Variants in SLC24A2 observed in about 807,000 individuals in gnomAD.
SLC24A2 encodes sodium/potassium/calcium exchanger 2.
In SLC24A2, 36 loss-of-function variants were observed where a neutral mutation model predicts 62.0. That is an observed-to-expected ratio of 0.58 (90% CI 0.44 to 0.77). The LOEUF (loss-of-function observed/expected upper bound fraction) is 0.77. Among genes scored for constraint, SLC24A2 ranks in the 30% least tolerant of loss-of-function variants. The pLI, the probability that SLC24A2 is intolerant of heterozygous loss-of-function variation, is 0.00. For synonymous variants in SLC24A2, 358 were observed against 294.0 expected (o/e 1.22, Z -2.23); for missense variants, 846 against 817.9 (o/e 1.03, Z -0.42).
chr9:20,225,084 T>C, the SLC24A2 span, among the ~76,000 whole-genome samples: 1 of 152,272 alleles, frequency 6.6e-6, no homozygotes, highest in East Asian at 1.9e-4. Context: ...TGCTCCTCTT[T>C]CTTCCTTACA....
chr9:19,742,285 G>C (rs1388992582), intron 2 of SLC24A2, among the ~76,000 whole-genome samples: 6 of 152,180 alleles, frequency 3.9e-5, no homozygotes, highest in African/African-American at 1.4e-4. Flanking sequence ...ATGTGCTGTG[G>C]AAAGATGGAC....
rs1832723735 is a variant in SLC24A2, at chr9:19,511,716, C to T, written c.*4437G>A. 6.6e-6 allele frequency: 1 copy of T among 152,182 alleles called. No homozygotes were observed. Among genetic ancestry groups the T allele is most frequent in the South Asian group, 2.1e-4 (1 of 4,834 alleles). The allele number at this position is 152,182 out of a possible 1,614,324, so 9.4% of individuals were successfully genotyped here. A position where few individuals can be genotyped will look rare whatever the true frequency, so the allele number is the denominator to read the frequency against. ...GAGCACTGACTTCTATGCATGCTTTCAGGAGACAGTAGTTTTCTCCAGAAA... is the reference window on the plus strand; with the variant it reads ...GAGCACTGACTTCTATGCATGCTTTTAGGAGACAGTAGTTTTCTCCAGAAA... On this transcript the variant is annotated 3_prime_UTR_variant, in exon 11 of 11. Coordinates refer to ENST00000341998, the MANE Select transcript of SLC24A2 (RefSeq NM_020344.4).
chr9:20,054,133 CT>C, the SLC24A2 span, among the ~76,000 whole-genome samples: 1 of 151,988 alleles, frequency 6.6e-6, no homozygotes, highest in Admixed American at 6.6e-5. Context: ...TGGAAAAGTT[CT>C]TTAATGGTGA....
the SLC24A2 span, among the ~76,000 whole-genome samples, chr9:19,973,319 T>C: frequency 6.6e-6 from 1 of 152,236 alleles, no homozygotes; most frequent in Non-Finnish European, 1.5e-5. Context: ...CTCTTGCTCC[T>C]TCTGCAACTC....
the SLC24A2 span, among the ~76,000 whole-genome samples, chr9:20,020,697 G>A: frequency 2.0e-5 from 3 of 152,210 alleles, no homozygotes; most frequent in South Asian, 6.2e-4. Context: ...TTCTGCACAC[G>A]TATCCCAGAA....
the SLC24A2 span, among the ~76,000 whole-genome samples, chr9:20,213,918 G>T: frequency 6.6e-6 from 1 of 152,150 alleles, no homozygotes; most frequent in Admixed American, 6.5e-5. Context: ...ATTTCACCCT[G>T]TGTTTCCCTT....
the SLC24A2 span, among the ~76,000 whole-genome samples, chr9:19,845,361 A>G: frequency 6.6e-6 from 1 of 152,154 alleles, no homozygotes; most frequent in Non-Finnish European, 1.5e-5. Context: ...TTGTACATTA[A>G]TTTTGTATCC....
chr9:20,107,052 A>G, the SLC24A2 span, among the ~76,000 whole-genome samples: 1 of 152,256 alleles, frequency 6.6e-6, no homozygotes, highest in Non-Finnish European at 1.5e-5. Flanking sequence ...TTATACACCA[A>G]TAACAGACAA....
chr9:20,021,036 C>A, the SLC24A2 span, among the ~76,000 whole-genome samples: 2 of 152,218 alleles, frequency 1.3e-5, no homozygotes, highest in South Asian at 4.1e-4. Context: ...ATACTGTATA[C>A]ATAGACATAA....
chr9:20,280,834 G>C, the SLC24A2 span, among the ~76,000 whole-genome samples: 1 of 152,192 alleles, frequency 6.6e-6, no homozygotes, highest in Non-Finnish European at 1.5e-5. Context: ...CACAGACACA[G>C]AGGTGACAGC....
chr9:20,287,962 G>C, the SLC24A2 span, among the ~76,000 whole-genome samples: 2 of 152,100 alleles, frequency 1.3e-5, no homozygotes, highest in African/African-American at 4.8e-5. Context: ...TACACATATT[G>C]ATTGCAAGGT....
the SLC24A2 span, among the ~76,000 whole-genome samples, chr9:20,035,496 A>G: frequency 2.0e-5 from 3 of 152,170 alleles, no homozygotes; most frequent in African/African-American, 7.2e-5. Context: ...GCTCACACCT[A>G]TAATCCCAGC....
At chr9:20,176,191 T>G in the SLC24A2 span, among the ~76,000 whole-genome samples, 1 of 152,038 alleles carries the variant, frequency 6.6e-6, no homozygotes, top group African/African-American at 2.4e-5. Flanking sequence ...CTCAGATTTG[T>G]TAGGTGATCT....
chr9:19,639,264 C>T (rs748292296), intron 2 of SLC24A2, among the ~76,000 whole-genome samples: 11 of 152,206 alleles, frequency 7.2e-5, no homozygotes, highest in Non-Finnish European at 1.3e-4. Flanking sequence ...AAAATGGCTG[C>T]AATTCTTCTC....
chr9:19,651,568 ATTTC>A (rs3086304), intron 2 of SLC24A2, among the ~76,000 whole-genome samples: 65,628 of 151,690 alleles, frequency 0.43, 14,792 homozygotes, highest in East Asian at 0.71. Flanking sequence ...ACCATCATCA[ATTTC>A]TTTCTCTCTT....
intron 7 of SLC24A2, among the ~76,000 whole-genome samples, chr9:19,558,522 A>C (rs746937970): frequency 6.6e-6 from 1 of 152,194 alleles, no homozygotes; most frequent in African/African-American, 2.4e-5. Context: ...CCTGATTCCC[A>C]TAACTGTGGA....
At chr9:20,122,925 AT>A in the SLC24A2 span, among the ~76,000 whole-genome samples, 1 of 152,216 alleles carries the variant, frequency 6.6e-6, no homozygotes, top group Non-Finnish European at 1.5e-5. Context: ...GAGCCAGTCA[AT>A]AAATGTCATT....
intron 2 of SLC24A2, among the ~76,000 whole-genome samples, chr9:19,755,948 C>T (rs1347609208): frequency 4.6e-5 from 7 of 152,068 alleles, no homozygotes; most frequent in African/African-American, 1.7e-4. Context: ...TAATATATAG[C>T]AGTCATAATG....
intron 4 of SLC24A2, among the ~76,000 whole-genome samples, chr9:19,616,468 T>C (rs1462431107): frequency 6.6e-6 from 1 of 152,188 alleles, no homozygotes; most frequent in East Asian, 1.9e-4. Context: ...TTCGGGAGTC[T>C]GTCGTTTTAA....
Sources: gnomAD v4.1 joint callset for allele counts (sites outside exome capture counted in the v4.1 genomes callset) on GRCh38, gnomAD v4.1.1 for gene constraint, MANE v1.5 for transcripts, NCBI Gene and HGNC (gene_info 2026-07-23, HGNC 2026-07-21) for gene names.